Variants in CD99L2 observed in about 807,000 individuals in gnomAD.
CD99L2 encodes the protein CD99 molecule like 2, also known as CD99 antigen-like protein 2.
A neutral mutation model predicts 27.3 loss-of-function variants in CD99L2; 24 were observed. The ratio of observed to expected loss-of-function variants is 0.88; its 90% CI spans 0.64 to 1.24. The LOEUF (loss-of-function observed/expected upper bound fraction) is 1.24. CD99L2 is among the 50% of genes most tolerant of loss of function. The pLI, the probability that CD99L2 is intolerant of heterozygous loss-of-function variation, is 0.00. For synonymous variants in CD99L2, 97 were observed against 87.9 expected, an observed-to-expected ratio of 1.10 and a Z score of -0.58; for missense variants, 255 against 221.6, an observed-to-expected ratio of 1.15 and a Z score of -0.96.
intron 7 of CD99L2, among the ~76,000 whole-genome samples, chrX:150,787,432 C>T: frequency 9.0e-6 from 1 of 111,216 alleles, no homozygotes; most frequent in East Asian, 2.8e-4. Context: ...CAGCTTCAAT[C>T]TTCTGCATAT....
chrX:150,863,438 G>A (rs2047009862), intron 1 of CD99L2, among the ~76,000 whole-genome samples: 1 of 112,372 alleles, frequency 8.9e-6, no homozygotes, highest in Admixed American at 9.4e-5. Context: ...AGCAATCAAA[G>A]GCAGCAACTC....
At chrX:150,888,331 A>G (rs2047446466) in intron 1 of CD99L2, among the ~76,000 whole-genome samples, 1 of 112,242 alleles carries the variant, frequency 8.9e-6, no homozygotes, top group African/African-American at 3.2e-5. Flanking sequence ...TACCCGTACA[A>G]TAGAATACTA....
intron 4 of CD99L2, among the ~76,000 whole-genome samples, chrX:150,797,375 C>T (rs2045813829): frequency 8.9e-6 from 1 of 112,142 alleles, no homozygotes; most frequent in Admixed American, 9.4e-5. Flanking sequence ...CATTTTTTAG[C>T]TCACATATTT....
chrX:150,780,970 G>A (rs781939777), intron 7 of CD99L2, among the ~76,000 whole-genome samples: 6 of 112,070 alleles, frequency 5.4e-5, no homozygotes, highest in Non-Finnish European at 9.4e-5. Context: ...TCAAAGTGTC[G>A]CATCTTTAAA....
intron 1 of CD99L2, among the ~76,000 whole-genome samples, chrX:150,866,563 T>C (rs1557422043): frequency 1.0e-5 from 1 of 99,871 alleles, no homozygotes; most frequent in African/African-American, 4.0e-5. Context: ...CAAGACCCTG[T>C]CTCTATTAAA....
chrX:150,875,330 C>T (rs1337084877), intron 1 of CD99L2, among the ~76,000 whole-genome samples: 1 of 112,046 alleles, frequency 8.9e-6, no homozygotes, highest in Non-Finnish European at 1.9e-5. Flanking sequence ...ATTGATATAA[C>T]CACACATCGT....
chrX:150,795,396 C>T, intron 5 of CD99L2, 22 bp downstream of exon 5: 1 of 1,210,919 alleles, frequency 8.3e-7, no homozygotes, highest in Non-Finnish European at 1.1e-6. Context: ...CCTTACTACT[C>T]TCCTCAGAGC....
intron 1 of CD99L2, among the ~76,000 whole-genome samples, chrX:150,842,854 T>C (rs979125254): frequency 6.2e-5 from 7 of 112,391 alleles, no homozygotes; most frequent in Non-Finnish European, 9.4e-5. Flanking sequence ...GAAAGTTCCA[T>C]AGGACAGTGC....
intron 7 of CD99L2, among the ~76,000 whole-genome samples, chrX:150,784,541 G>A (rs1202569777): frequency 1.8e-5 from 2 of 112,047 alleles, no homozygotes; most frequent in African/African-American, 6.5e-5. Flanking sequence ...CTATGAGAGT[G>A]CACACTTCCC....
In CD99L2 at chrX:150,898,572, G is replaced by A; in HGVS notation, c.17C>T (p.Ser6Leu). MVAWR[S>L]AFLVCLAFSL... ...GAAAGCGAGGCAGACAAGGAACGCC[G>A]AGCGCCAGGCCACCATGGCTGGGAG... The change falls in exon 1 of 11, where the codon TCG becomes TTG. Residue 6 changes from serine to leucine, a missense_variant. Physicochemically the swap from Ser to Leu is moderately radical, Grantham distance 145 (BLOSUM62 -2). Coordinates refer to ENST00000370377, the MANE Select transcript of CD99L2 (RefSeq NM_031462.4). The A allele has an allele frequency of 9.0e-7, 1 of 1,115,659 alleles. No homozygotes were observed. 91.9% of individuals were successfully genotyped at this position (1,115,659 alleles called of 1,213,427 possible). A position where few individuals can be genotyped will look rare whatever the true frequency, so the allele number is the denominator to read the frequency against.
At chrX:150,836,723 T>A (rs1386594525) in intron 1 of CD99L2, among the ~76,000 whole-genome samples, 3 of 111,818 alleles carry the variant, frequency 2.7e-5, no homozygotes. Flanking sequence ...GCAAACATCA[T>A]AGGGTGTCCT....
chrX:150,787,170 G>A (rs1557419584), intron 7 of CD99L2, among the ~76,000 whole-genome samples: 1 of 112,038 alleles, frequency 8.9e-6, no homozygotes, highest in Non-Finnish European at 1.9e-5. Context: ...TAGGTTGTCT[G>A]TTTACTCTGT....
chrX:150,774,477 T>G (rs1363204422), intron 9 of CD99L2, among the ~76,000 whole-genome samples: 2 of 111,954 alleles, frequency 1.8e-5, no homozygotes, highest in Admixed American at 9.5e-5. Flanking sequence ...GGGAAGGCCA[T>G]GTGGATTGAG....
chrX:150,858,601 C>G (rs1424237426), intron 1 of CD99L2, among the ~76,000 whole-genome samples: 1 of 111,957 alleles, frequency 8.9e-6, no homozygotes, highest in Non-Finnish European at 1.9e-5. Context: ...CCTGACTAAC[C>G]AATGGGTCAA....
In CD99L2 at chrX:150,768,956, G is replaced by A. The variant is rs1603281631; in HGVS notation, c.*78C>T. Reference sequence around the variant, plus strand: ...TGGCACAGAGCAGCACAGCAGCTGCGGGTCCAAATGAAGGGGTGGGGGGAG... The same window carrying A: ...TGGCACAGAGCAGCACAGCAGCTGCAGGTCCAAATGAAGGGGTGGGGGGAG... On this transcript the variant is annotated 3_prime_UTR_variant, in exon 11 of 11. Coordinates refer to ENST00000370377, the MANE Select transcript of CD99L2 (RefSeq NM_031462.4). The A allele has an allele frequency of 7.3e-6, 8 of 1,097,977 alleles. No homozygotes were observed. The highest frequency in any genetic ancestry group is 1.9e-5 in the African/African-American group (1 of 51,604). The allele number at this position is 1,097,977 out of a possible 1,213,427, so 90.5% of individuals were successfully genotyped here.
chrX:150,767,586 G>C lies in CD99L2; in HGVS notation c.*1448C>G, dbSNP rs1557418705. On this transcript the variant is annotated 3_prime_UTR_variant, in exon 11 of 11. Transcript: ENST00000370377. ...GCATGCGTTAGACAGATGCATGTGG[G>C]GGCTGCAGATTCCAGTGGTTTCCTT... is the stretch of plus-strand genomic sequence containing the variant. 9.0e-6 allele frequency: 1 copy of C among 111,703 alleles called. No individual in the cohort carries two copies. Among genetic ancestry groups the C allele is most frequent in the African/African-American group, 3.3e-5 (1 of 30,678 alleles). 9.2% of individuals were successfully genotyped at this position (111,703 alleles called of 1,213,427 possible).
chrX:150,790,524 A>G (rs1402839800), intron 7 of CD99L2, among the ~76,000 whole-genome samples: 1 of 111,500 alleles, frequency 9.0e-6, no homozygotes, highest in Non-Finnish European at 1.9e-5. Context: ...CAGTATTTTG[A>G]CTGGGAACTG....
At chrX:150,798,269 G>A in intron 4 of CD99L2, among the ~76,000 whole-genome samples, 1 of 59,808 alleles carries the variant, frequency 1.7e-5, no homozygotes. Context: ...AGGGAGGGAG[G>A]GTGGGAGAAC....
At chrX:150,838,817 A>C (rs782399293) in intron 1 of CD99L2, among the ~76,000 whole-genome samples, 7 of 105,110 alleles carry the variant, frequency 6.7e-5, no homozygotes, top group African/African-American at 2.4e-4. Flanking sequence ...GGCCTTCCAA[A>C]GTGTTGGGAC....
Sources: gnomAD v4.1 joint callset for allele counts (sites outside exome capture counted in the v4.1 genomes callset) on GRCh38, gnomAD v4.1.1 for gene constraint, MANE v1.5 for transcripts, NCBI Gene and HGNC (gene_info 2026-07-23, HGNC 2026-07-21) for gene names.